Variants in UGT2B17 observed in about 807,000 individuals in gnomAD.
UGT2B17 encodes the protein UDP glucuronosyltransferase family 2 member B17.
UGT2B17 carries 21 observed loss-of-function variants against 48.2 expected under a neutral mutation model. That is an observed-to-expected ratio of 0.44 (90% CI 0.31 to 0.63). The LOEUF (loss-of-function observed/expected upper bound fraction) is 0.63. Among genes scored for constraint, UGT2B17 ranks in the 20% least tolerant of loss-of-function variants. UGT2B17 has a pLI of 0.08. For missense variants in UGT2B17, 402 were observed against 696.1 expected (o/e 0.58, Z 4.75); for synonymous variants, 146 against 238.4 (o/e 0.61, Z 3.57).
intron 1 of UGT2B17, among the ~76,000 whole-genome samples, chr4:68,570,710 T>C (rs1320227070): frequency 1.6e-5 from 2 of 126,156 alleles, no homozygotes; most frequent in African/African-American, 5.4e-5. Context: ...CTTTTTATCA[T>C]TTGAAGAAGT....
rs1244369864 is a variant in UGT2B17, at chr4:68,563,700, G to T, written c.873+1872C>A. On this transcript the variant is annotated intron_variant, in intron 3 of 6. Coordinates refer to ENST00000317746, the MANE Select transcript of UGT2B17 (RefSeq NM_001077.4). The stretch of plus-strand genomic sequence containing the variant: ...TTGATGTGAGTGAGGATTTTTTTTT[G>T]AGAATAAGATAAGAGTACACAGAAT... Among the ~76,000 whole-genome samples, 4 of 125,312 alleles carry T rather than the reference G, an allele frequency of 3.2e-5. 2 individuals carry two copies. The highest frequency in any genetic ancestry group is 6.7e-5 in the Non-Finnish European group (4 of 59,340). The allele number at this position is 125,312 out of a possible 152,430, so 82.2% of individuals were successfully genotyped here. A position where few individuals can be genotyped will look rare whatever the true frequency, so the allele number is the denominator to read the frequency against.
chr4:68,555,923 GT>G (rs34104261), intron 4 of UGT2B17, among the ~76,000 whole-genome samples: 38,692 of 82,530 alleles, frequency 0.47, 11,331 homozygotes, highest in Middle Eastern at 0.67. Context: ...AAAATAAAAA[GT>G]TTTTTTTTTT....
Position 68,558,647 on chromosome 4 carries a change from T to C in UGT2B17, c.1005+1890A>G, listed in dbSNP as rs372600502. Among the ~76,000 whole-genome samples, 13 of 126,314 alleles carry C rather than the reference T, an allele frequency of 1.0e-4. 5 individuals carry two copies. The East Asian group carries it at 4.5e-3, about 44-fold the overall frequency. 82.9% of individuals were successfully genotyped at this position (126,314 alleles called of 152,430 possible). On this transcript the variant is annotated intron_variant, in intron 4 of 6. Transcript: ENST00000317746. ...ACCTGCTAAAAATGAACTTTCCTAA[T>C]AACTCAGGACCTGCTTAGGAATAAA...
chr4:68,555,452 G>T (rs1452259018), intron 4 of UGT2B17, among the ~76,000 whole-genome samples: 4 of 125,886 alleles, frequency 3.2e-5, no homozygotes, highest in Admixed American at 8.2e-5. Flanking sequence ...TTATTTCAAA[G>T]CTAAACTATA....
intron 1 of UGT2B17, among the ~76,000 whole-genome samples, chr4:68,575,268 G>A (rs1415363348): frequency 4.5e-5 from 5 of 111,594 alleles, no homozygotes; most frequent in Non-Finnish European, 9.3e-5. Flanking sequence ...ATTGTGAGGG[G>A]GGGTGGGGGG....
chr4:68,574,634 G>A lies in UGT2B17; in HGVS notation c.-65+1317C>T, dbSNP rs1384196133. On this transcript the variant is annotated intron_variant, in intron 1 of 6. Coordinates refer to ENST00000317746, the MANE Select transcript of UGT2B17 (RefSeq NM_001077.4). ...AATAATTCTTTTTTGACTTTTTAAT[G>A]TAGGTAAAAATCCACATTCTTATGC... is the stretch of plus-strand genomic sequence containing the variant. Among the ~76,000 whole-genome samples the A allele has an allele frequency of 7.1e-5, 9 of 126,564 alleles. 3 individuals carry two copies. The highest frequency in any genetic ancestry group is 1.3e-4 in the Non-Finnish European group (8 of 59,742). 83.0% of individuals were successfully genotyped at this position (126,564 alleles called of 152,430 possible).
rs1325594585 is a variant in UGT2B17, at chr4:68,547,281, A to G, written c.1313+3396T>C. 4.5e-4 allele frequency among the ~76,000 whole-genome samples: 57 copies of G among 125,578 alleles called. 18 individuals are homozygous for G. The Admixed American group carries it at 4.7e-3, about 10-fold the overall frequency. 82.4% of individuals were successfully genotyped at this position (125,578 alleles called of 152,430 possible). A position where few individuals can be genotyped will look rare whatever the true frequency, so the allele number is the denominator to read the frequency against. On this transcript the variant is annotated intron_variant, in intron 6 of 6. Transcript: ENST00000317746. The stretch of plus-strand genomic sequence containing the variant: ...TCAGAAATAATGCCACACATCTACA[A>G]CTATCTGATCTTTGACAAACCTTAC...
chr4:68,552,008 A>G lies in UGT2B17; in HGVS notation c.1006-97T>C, dbSNP rs1187560663. ...AGATTAATAATCAGTTAATCCATAT[A>G]AAAGATGAAGAAATAAGAAGAAGTG... On this transcript the variant is annotated intron_variant, in intron 4 of 6. Transcript: ENST00000317746. 9 of 869,186 alleles carry G rather than the reference A, an allele frequency of 1.0e-5. 1 individual carries two copies. Among genetic ancestry groups the G allele is most frequent in the Non-Finnish European group, 1.2e-5 (8 of 656,386 alleles). The allele number at this position is 869,186 out of a possible 1,614,324, so 53.8% of individuals were successfully genotyped here.
Position 68,539,995 on chromosome 4 carries a change from AG to A in UGT2B17, c.1314-2092del. ...GACACAGGATTTCACCATGTTGGCCAGGCTGGTCTCGAACTCCTGACCAAAT... is the reference window on the plus strand; with the variant it reads ...GACACAGGATTTCACCATGTTGGCCAGCTGGTCTCGAACTCCTGACCAAAT... On this transcript the variant is annotated intron_variant, in intron 6 of 6. Coordinates refer to ENST00000317746, the MANE Select transcript of UGT2B17 (RefSeq NM_001077.4). Among the ~76,000 whole-genome samples, 2 of 122,758 alleles carry A rather than the reference AG, an allele frequency of 1.6e-5. 1 individual carries two copies. Among genetic ancestry groups the A allele is most frequent in the Non-Finnish European group, 3.4e-5 (2 of 58,656 alleles). The allele number at this position is 122,758 out of a possible 152,430, so 80.5% of individuals were successfully genotyped here.
At chr4:68,564,018 G>A (rs1395650144) in intron 3 of UGT2B17, among the ~76,000 whole-genome samples, 1 of 124,370 alleles carries the variant, frequency 8.0e-6, no homozygotes, top group Non-Finnish European at 1.7e-5. Flanking sequence ...GACAACTTAA[G>A]TGTTTTATCT....
At chr4:68,561,044 T>C (rs1731093584) in intron 3 of UGT2B17, among the ~76,000 whole-genome samples, 1 of 125,322 alleles carries the variant, frequency 8.0e-6, no homozygotes, top group Non-Finnish European at 1.7e-5. Flanking sequence ...ATTCTATTTT[T>C]TTTTGTAGTT....
chr4:68,540,318 G>A (rs1253930340), intron 6 of UGT2B17, among the ~76,000 whole-genome samples: 2 of 126,400 alleles, frequency 1.6e-5, no homozygotes, highest in African/African-American at 5.4e-5. Context: ...AGTACTGGTA[G>A]GTTCACTTTT....
At chr4:68,547,445 C>A (rs1334783055) in intron 6 of UGT2B17, among the ~76,000 whole-genome samples, 2 of 125,620 alleles carry the variant, frequency 1.6e-5, no homozygotes, top group Admixed American at 8.2e-5. Flanking sequence ...TAAAGACTTA[C>A]ATGTTAGACC....
At chr4:68,538,039 A>C in intron 6 of UGT2B17, 135 bp from the exon 7 acceptor site, 1 of 649,530 alleles carries the variant, frequency 1.5e-6, no homozygotes. Context: ...TAAAATATTA[A>C]TGTTTTAATG....
rs551574139 is a variant in UGT2B17 at position 68,552,519 on chromosome 4, C to T, written c.1006-608G>A. On this transcript the variant is annotated intron_variant, in intron 4 of 6. Coordinates refer to ENST00000317746, the MANE Select transcript of UGT2B17 (RefSeq NM_001077.4). ...ACTGTCCCCCCACCACCTTGGGACA[C>T]ATGTCACCAGGACCCCCTGAGGCTG... Among the ~76,000 whole-genome samples the T allele has an allele frequency of 5.7e-4, 72 of 126,290 alleles. 18 individuals are homozygous for T. The highest frequency in any genetic ancestry group is 1.1e-3 in the Non-Finnish European group (66 of 59,490). 82.9% of individuals were successfully genotyped at this position (126,290 alleles called of 152,430 possible).
Position 68,568,161 on chromosome 4 carries a change from T to C in UGT2B17, c.324A>G (p.Ser108=). 4.3e-6 allele frequency: 6 copies of C among 1,380,690 alleles called. No individual in the cohort carries two copies. The highest frequency in any genetic ancestry group is 5.7e-6 in the Non-Finnish European group (6 of 1,054,340). 85.5% of individuals were successfully genotyped at this position (1,380,690 alleles called of 1,614,324 possible). Reference sequence around the variant, plus strand: ...ACAATTCTTGTAGTTGTGAAAAATATGACCAAAATGTATTTTTTGAAATAC... The same window carrying C: ...ACAATTCTTGTAGTTGTGAAAAATACGACCAAAATGTATTTTTTGAAATAC... ...TYSISKNTFW[S]YFSQLQELCW... The change falls in exon 2 of 7, where the codon TCA becomes TCG. Residue 108 remains serine (S), a synonymous_variant. Transcript: ENST00000317746.
rs1468288261 is a variant in UGT2B17, at chr4:68,558,823, A to G, written c.1005+1714T>C. On this transcript the variant is annotated intron_variant, in intron 4 of 6. Coordinates refer to ENST00000317746, the MANE Select transcript of UGT2B17 (RefSeq NM_001077.4). The stretch of plus-strand genomic sequence containing the variant: ...TAAGCAAATCACTGCCTCCCATTCT[A>G]TTCAAAGACACCCCTCTGCTCACTG... Among the ~76,000 whole-genome samples, 6 of 125,590 alleles carry G rather than the reference A, an allele frequency of 4.8e-5. 1 individual carries two copies. The highest frequency in any genetic ancestry group is 8.4e-5 in the Non-Finnish European group (5 of 59,280). 82.4% of individuals were successfully genotyped at this position (125,590 alleles called of 152,430 possible).
In UGT2B17 at chr4:68,548,469, A is replaced by C. The variant is rs1397331408; in HGVS notation, c.1313+2208T>G. Reference sequence around the variant, plus strand: ...AGGGATAGCATTAGGAGATACACTTAATGTTAAATGACGAGTTAATGGGTG... The same window carrying C: ...AGGGATAGCATTAGGAGATACACTTCATGTTAAATGACGAGTTAATGGGTG... On this transcript the variant is annotated intron_variant, in intron 6 of 6. Transcript: ENST00000317746. Among the ~76,000 whole-genome samples the C allele has an allele frequency of 2.4e-5, 3 of 124,796 alleles. 1 individual carries two copies. Among genetic ancestry groups the C allele is most frequent in the Non-Finnish European group, 5.1e-5 (3 of 59,196 alleles). The allele number at this position is 124,796 out of a possible 152,430, so 81.9% of individuals were successfully genotyped here. A position where few individuals can be genotyped will look rare whatever the true frequency, so the allele number is the denominator to read the frequency against.
In UGT2B17 at chr4:68,549,399, G is replaced by T. The variant is rs1481291177; in HGVS notation, c.1313+1278C>A. Among the ~76,000 whole-genome samples, 16 of 121,518 alleles carry T rather than the reference G, an allele frequency of 1.3e-4. 2 individuals are homozygous for T. The highest frequency in any genetic ancestry group is 2.6e-4 in the Admixed American group (3 of 11,634). 79.7% of individuals were successfully genotyped at this position (121,518 alleles called of 152,430 possible). A position where few individuals can be genotyped will look rare whatever the true frequency, so the allele number is the denominator to read the frequency against. Reference sequence around the variant, plus strand: ...TAGTGGAAGAAAATATATGAAAATCGTATATTTGATAAGGGATAGTATCTA... The same window carrying T: ...TAGTGGAAGAAAATATATGAAAATCTTATATTTGATAAGGGATAGTATCTA... On this transcript the variant is annotated intron_variant, in intron 6 of 6. Coordinates refer to ENST00000317746, the MANE Select transcript of UGT2B17 (RefSeq NM_001077.4).
Sources: allele counts gnomAD v4.1 joint callset (sites outside exome capture counted in the v4.1 genomes callset), GRCh38; gene constraint gnomAD v4.1.1; transcripts MANE v1.5; gene names NCBI Gene and HGNC (gene_info 2026-07-23, HGNC 2026-07-21).